Variants in CUX2 observed in about 807,000 individuals in gnomAD.
CUX2 encodes the protein homeobox protein cut-like 2.
CUX2 carries 40 observed loss-of-function variants against 144.8 expected under a neutral mutation model. The observed-to-expected ratio is 0.28, with a 90% CI of 0.21 to 0.36. CUX2 has a LOEUF of 0.36. Ranked by LOEUF, CUX2 falls within the 10% of genes least tolerant of loss-of-function variation. CUX2 has a pLI of 1.00. For synonymous variants in CUX2, 827 were observed against 875.6 expected, an observed-to-expected ratio of 0.94 and a Z score of 0.98; for missense variants, 1,615 against 1,994.0, an observed-to-expected ratio of 0.81 and a Z score of 3.62.
chr12:111,094,459 C>T (rs1018600378), intron 1 of CUX2, among the ~76,000 whole-genome samples: 12 of 152,246 alleles, frequency 7.9e-5, no homozygotes, highest in African/African-American at 2.9e-4. Flanking sequence ...CTGTGTCTTC[C>T]CCCTGTGCCC....
In CUX2 at chr12:111,216,436, G is replaced by A. The variant is rs997908223; in HGVS notation, c.175-1454G>A. Among the ~76,000 whole-genome samples, 56 of 152,148 alleles carry A rather than the reference G, an allele frequency of 3.7e-4. 1 individual carries two copies. The highest frequency in any genetic ancestry group is 1.2e-3 in the African/African-American group (51 of 41,422). ...TTTTATTTAGTCTGTAAAGTCTTTC[G>A]AACTTTACGGTGGGTTGCCAATATT... On this transcript the variant is annotated intron_variant, in intron 2 of 21. Transcript: ENST00000261726.
chr12:111,347,927 A>T lies in CUX2; in HGVS notation c.4063A>T (p.Thr1355Ser). The T allele has an allele frequency of 6.2e-7, 1 of 1,613,978 alleles. No homozygotes were observed. The highest frequency in any genetic ancestry group is 1.1e-5 in the South Asian group (1 of 91,078). ...APGPLLPGGS[T>S]PDCPSLHPQQ... ...CGGGCCCCTCCTTCCAGGTGGATCCACCCCAGACTGTCCCTCACTTCATCC... is the reference window on the plus strand; with the variant it reads ...CGGGCCCCTCCTTCCAGGTGGATCCTCCCCAGACTGTCCCTCACTTCATCC... The change falls in exon 22 of 22, where the codon ACC (threonine) becomes TCC (serine). Residue 1355 changes from threonine (T) to serine (S), a missense_variant. Thr to Ser is a moderately conservative substitution (Grantham distance 58). Coordinates refer to ENST00000261726, the MANE Select transcript of CUX2 (RefSeq NM_015267.4).
At chr12:111,234,716 C>CTT (rs779196975) in intron 3 of CUX2, among the ~76,000 whole-genome samples, 26 of 132,942 alleles carry the variant, frequency 2.0e-4, no homozygotes, top group African/African-American at 4.2e-4. Flanking sequence ...CTTCCCCTTT[C>CTT]TTTTTTTTTT....
intron 3 of CUX2, among the ~76,000 whole-genome samples, chr12:111,223,881 T>A (rs1457467291): frequency 6.6e-6 from 1 of 152,116 alleles, no homozygotes; most frequent in Non-Finnish European, 1.5e-5. Context: ...AAATGTCAGG[T>A]CCTGGGGGAG....
At position 111,310,724 on chromosome 12, in the gene CUX2, AG is replaced by A. The variant is rs1402338698; in HGVS notation, c.1900+44del. The stretch of plus-strand genomic sequence containing the variant: ...GCCCGTCCCCGCTGGCCACCACGCC[AG>A]GTCCAGGGCATCAGGGCTGGGGGCT... On this transcript the variant is annotated intron_variant, in intron 15 of 21. Coordinates refer to ENST00000261726, the MANE Select transcript of CUX2 (RefSeq NM_015267.4). This position sits in a 1 kb window ranked among gnomAD's most constrained non-coding sequence, Gnocchi z 7.9. 23 of 1,545,546 alleles carry A rather than the reference AG, an allele frequency of 1.5e-5. No homozygotes were observed. Among genetic ancestry groups the A allele is most frequent in the Non-Finnish European group, 2.0e-5 (23 of 1,142,984 alleles).
intron 1 of CUX2, among the ~76,000 whole-genome samples, chr12:111,087,180 A>G (rs1872274297): frequency 6.6e-6 from 1 of 151,722 alleles, no homozygotes; most frequent in South Asian, 2.1e-4. Flanking sequence ...ACATGGTGAA[A>G]CCCTGTCTCT....
rs1266841458 is a variant in CUX2, at chr12:111,295,362, C to T, written c.590C>T (p.Ala197Val). 5.0e-6 allele frequency: 8 copies of T among 1,612,868 alleles called. No homozygotes were observed. Among genetic ancestry groups the T allele is most frequent in the Middle Eastern group, 3.3e-4 (2 of 6,056 alleles). ...CTTCAAGAAGTACAGATCACTTTGG[C>T]GGCCAGACTGGGGGAGGCAGAGGAG... ...KGLQEVQITL[A>V]ARLGEAEEKI... The change falls in exon 7 of 22, where the codon GCG becomes GTG. Residue 197 changes from alanine to valine, a missense_variant. Around this residue, in one of 12 missense-constraint regions of CUX2, gnomAD observed 295 missense variants for 400.2 expected, o/e 0.74. Transcript: ENST00000261726. The surrounding 1 kb of genome is among the most constrained non-coding windows in gnomAD (Gnocchi z 5.0).
At chr12:111,217,606 T>C (rs1171608010) in intron 2 of CUX2, among the ~76,000 whole-genome samples, 1 of 152,232 alleles carries the variant, frequency 6.6e-6, no homozygotes, top group African/African-American at 2.4e-5. Flanking sequence ...CACATTCATT[T>C]GAGAAACGCC....
chr12:111,054,720 G>A (rs1017167281), intron 1 of CUX2, among the ~76,000 whole-genome samples: 2 of 152,032 alleles, frequency 1.3e-5, no homozygotes, highest in Non-Finnish European at 2.9e-5. Flanking sequence ...TCTGCCTCCC[G>A]GGTTCAAGAG....
chr12:111,134,250 T>C (rs1196598194), intron 1 of CUX2, among the ~76,000 whole-genome samples: 2 of 152,222 alleles, frequency 1.3e-5, no homozygotes, highest in Non-Finnish European at 2.9e-5. Flanking sequence ...TTGCCAAAAA[T>C]GTTTCAAAGT....
At chr12:111,107,996 G>A (rs1055336661) in intron 1 of CUX2, among the ~76,000 whole-genome samples, 1 of 152,130 alleles carries the variant, frequency 6.6e-6, no homozygotes, top group Admixed American at 6.5e-5. Context: ...CGTTTTTCTG[G>A]TCCAGAGTCC....
chr12:111,152,721 G>A (rs1877126132), intron 1 of CUX2, among the ~76,000 whole-genome samples: 1 of 152,220 alleles, frequency 6.6e-6, no homozygotes, highest in Admixed American at 6.5e-5. Context: ...GTTAGAGGCA[G>A]TAGAACTCGC....
chr12:111,229,258 C>T lies in CUX2; in HGVS notation c.222+11321C>T, dbSNP rs540268257. Among the ~76,000 whole-genome samples the T allele has an allele frequency of 6.7e-4, 102 of 152,296 alleles. No individual in the cohort carries two copies. In the Middle Eastern group the frequency reaches 0.017, roughly 25 times the overall value. Reference sequence around the variant, plus strand: ...GCTCAGAGGCAGAGGGGCTGGACTGCGTGACCCCCTAGGGTCATTGCCAGA... The same window carrying T: ...GCTCAGAGGCAGAGGGGCTGGACTGTGTGACCCCCTAGGGTCATTGCCAGA... On this transcript the variant is annotated intron_variant, in intron 3 of 21. Coordinates refer to ENST00000261726, the MANE Select transcript of CUX2 (RefSeq NM_015267.4).
chr12:111,132,991 A>G (rs1194702601), intron 1 of CUX2, among the ~76,000 whole-genome samples: 1 of 152,170 alleles, frequency 6.6e-6, no homozygotes, highest in African/African-American at 2.4e-5. Flanking sequence ...AGTTCCAAAA[A>G]TCTCTAGGGC....
intron 4 of CUX2, among the ~76,000 whole-genome samples, chr12:111,273,850 G>A (rs1233142729): frequency 1.3e-5 from 2 of 152,164 alleles, no homozygotes; most frequent in African/African-American, 4.8e-5. Context: ...CATTATAAGG[G>A]CCATTGGATG....
intron 1 of CUX2, among the ~76,000 whole-genome samples, chr12:111,116,029 A>G (rs1225228088): frequency 6.6e-6 from 1 of 152,214 alleles, no homozygotes; most frequent in Non-Finnish European, 1.5e-5. Flanking sequence ...TGGAGAACCC[A>G]AGCCCTAATC....
intron 1 of CUX2, among the ~76,000 whole-genome samples, chr12:111,147,043 G>A (rs1876724061): frequency 6.6e-6 from 1 of 152,184 alleles, no homozygotes; most frequent in African/African-American, 2.4e-5. Context: ...GCTGAGGCAG[G>A]AGAATTGCTT....
intron 1 of CUX2, among the ~76,000 whole-genome samples, chr12:111,144,374 C>T (rs1192529994): frequency 2.6e-5 from 4 of 152,324 alleles, no homozygotes; most frequent in East Asian, 1.9e-4. Context: ...TCCTCCTATT[C>T]GGAACGTCTC....
chr12:111,094,682 G>A (rs866180162), intron 1 of CUX2, among the ~76,000 whole-genome samples: 2 of 152,170 alleles, frequency 1.3e-5, no homozygotes, highest in African/African-American at 4.8e-5. Flanking sequence ...GGGCTGGGGG[G>A]AGATGGAGGT....
Sources: gnomAD v4.1 joint callset for allele counts (sites outside exome capture counted in the v4.1 genomes callset) on GRCh38, gnomAD v4.1.1 for gene constraint, gnomAD v4.1.1 regional missense constraint, Gnocchi (gnomAD v3.1) non-coding constraint, MANE v1.5 for transcripts, NCBI Gene and HGNC (gene_info 2026-07-23, HGNC 2026-07-21) for gene names.